Variants in RNASEH2A observed in about 807,000 individuals in gnomAD.
The protein encoded by RNASEH2A is ribonuclease H2 subunit A.
Under a neutral mutation model 32.7 loss-of-function variants are expected in RNASEH2A, and 30 were observed. That is an observed-to-expected ratio of 0.92 (90% CI 0.69 to 1.25). RNASEH2A has a LOEUF of 1.25. Among genes scored for constraint, RNASEH2A ranks in the 50% most tolerant of loss-of-function variants. RNASEH2A has a pLI of 0.00. For missense variants in RNASEH2A, 409 were observed against 398.1 expected (o/e 1.03, Z -0.23); for synonymous variants, 147 against 165.4 (o/e 0.89, Z 0.86).
intron 6 of RNASEH2A, among the ~76,000 whole-genome samples, chr19:12,810,991 G>A (rs1164677436): frequency 6.6e-6 from 1 of 151,884 alleles, no homozygotes; most frequent in Non-Finnish European, 1.5e-5. Flanking sequence ...TAAAGAGATG[G>A]GGTCTCCCTA....
At chr19:12,809,168 T>C (rs936033967) in intron 4 of RNASEH2A, among the ~76,000 whole-genome samples, 1 of 152,050 alleles carries the variant, frequency 6.6e-6, no homozygotes, top group Non-Finnish European at 1.5e-5. Flanking sequence ...AGGTCAGGAG[T>C]TCGAGACCAG....
chr19:12,810,385 T>A lies in RNASEH2A; in HGVS notation c.618T>A (p.Tyr206Ter). 6.2e-7 allele frequency: 1 copy of A among 1,614,154 alleles called. No homozygotes were observed. The highest frequency in any genetic ancestry group is 8.5e-7 in the Non-Finnish European group (1 of 1,180,014). The stretch of plus-strand genomic sequence containing the variant: ...AACTGCAGGACTTGGATACTGATTA[T>A]GGCTCAGGCTACCCCAATGGTGAGC... ...VEKLQDLDTD[Y>*]GSGYPNDPKT... Residue 206 changes from tyrosine to a stop codon, truncating the protein, a stop_gained, in exon 6 of 8, where the codon TAT (tyrosine) becomes TAA (stop). Coordinates refer to ENST00000221486, the MANE Select transcript of RNASEH2A (RefSeq NM_006397.3). LOFTEE classifies it high-confidence loss of function.
intron 7 of RNASEH2A, 60 bp from the exon 8 acceptor site, chr19:12,813,268 C>A: frequency 3.1e-6 from 5 of 1,613,964 alleles, no homozygotes. Flanking sequence ...CAGCGTTCAG[C>A]CCTGCCTGAG....
intron 6 of RNASEH2A, 126 bp from the exon 7 acceptor site, chr19:12,812,957 A>G (rs1390188551): frequency 9.1e-6 from 12 of 1,317,730 alleles, no homozygotes; most frequent in Non-Finnish European, 1.3e-5. Flanking sequence ...GTGAGCTGAG[A>G]TCGCGCCACT....
rs746966082 is a variant in RNASEH2A, at chr19:12,806,628, T to A, written c.-46T>A. On this transcript the variant is annotated 5_prime_UTR_variant, in exon 1 of 8. Coordinates refer to ENST00000221486, the MANE Select transcript of RNASEH2A (RefSeq NM_006397.3). Reference sequence around the variant, plus strand: ...GCGGAAAACGCGCGCCGAGACCCGCTCCTGCAGTATTAGTTCTTGCAGCTG... The same window carrying A: ...GCGGAAAACGCGCGCCGAGACCCGCACCTGCAGTATTAGTTCTTGCAGCTG... 16 of 1,559,284 alleles carry A rather than the reference T, an allele frequency of 1.0e-5. No individual in the cohort carries two copies. Among genetic ancestry groups the A allele is most frequent in the Non-Finnish European group, 1.4e-5 (16 of 1,151,432 alleles).
At chr19:12,809,993 A>G (rs1251387329) in intron 4 of RNASEH2A, 78 bp from the exon 5 acceptor site, 5 of 1,582,236 alleles carry the variant, frequency 3.2e-6, no homozygotes, top group Non-Finnish European at 4.3e-6. Context: ...GGGTAGCAGG[A>G]AGAACGTGCC....
Position 12,806,797 on chromosome 19 carries a change from C to A in RNASEH2A, c.124C>A (p.Leu42Met), listed in dbSNP as rs1254992736. The A allele has an allele frequency of 5.7e-6, 9 of 1,579,536 alleles. No homozygotes were observed. The highest frequency in any genetic ancestry group is 7.7e-6 in the Non-Finnish European group (9 of 1,162,972). Residue 42 changes from leucine (L) to methionine (M), a missense_variant, in exon 1 of 8, where the codon CTG (leucine) becomes ATG (methionine). By Grantham distance (15) the Leu-to-Met change is conservative. Transcript: ENST00000221486. ...CGATGAGGCGGGCAGGGGCCCCGTGCTGGGTGCGCCCCTAGGGCCAGGGAG... is the reference window on the plus strand; with the variant it reads ...CGATGAGGCGGGCAGGGGCCCCGTGATGGGTGCGCCCCTAGGGCCAGGGAG... ...GVDEAGRGPV[L>M]GPMVYAICYC...
Position 12,807,087 on chromosome 19 carries a change from C to T in RNASEH2A, c.199+8C>T, listed in dbSNP as rs200834484. 8 of 1,614,098 alleles carry T rather than the reference C, an allele frequency of 5.0e-6. No individual in the cohort carries two copies. Among genetic ancestry groups the T allele is most frequent in the Non-Finnish European group, 6.8e-6 (8 of 1,180,004 alleles). ...AGGCGCTGAAAGTGGCAGGTGAGCC[C>T]GAGGTGTGCGTCTGGGGAAGGGATT... On this transcript the variant is annotated splice_region_variant and intron_variant, in intron 2 of 7. Coordinates refer to ENST00000221486, the MANE Select transcript of RNASEH2A (RefSeq NM_006397.3).
At chr19:12,808,480 C>T (rs535599816) in intron 4 of RNASEH2A, among the ~76,000 whole-genome samples, 9 of 152,094 alleles carry the variant, frequency 5.9e-5, no homozygotes, top group Admixed American at 4.6e-4. Context: ...CCTACATTGT[C>T]TACCTGTCAC....
chr19:12,809,578 G>A (rs539953051), intron 4 of RNASEH2A, among the ~76,000 whole-genome samples: 7 of 152,312 alleles, frequency 4.6e-5, no homozygotes, highest in South Asian at 2.1e-4. Context: ...GCCCTCAAGC[G>A]ATCCTCCCAC....
At chr19:12,809,770 T>C (rs888680504) in intron 4 of RNASEH2A, among the ~76,000 whole-genome samples, 1 of 152,122 alleles carries the variant, frequency 6.6e-6, no homozygotes, top group African/African-American at 2.4e-5. Flanking sequence ...TTTTCTTTAT[T>C]TTATTGTATT....
Position 12,813,217 on chromosome 19 carries a change from T to C in RNASEH2A, c.761+11T>C, listed in dbSNP as rs2145830328. The C allele has an allele frequency of 5.6e-6, 9 of 1,613,952 alleles. No individual in the cohort carries two copies. The highest frequency in any genetic ancestry group is 4.4e-5 in the South Asian group (4 of 91,060). ...GGAAGATGTTATATGGTGGGTGTCATGGATGTCCTGGGGGTGCTATAGGGA... is the reference window on the plus strand; with the variant it reads ...GGAAGATGTTATATGGTGGGTGTCACGGATGTCCTGGGGGTGCTATAGGGA... On this transcript the variant is annotated intron_variant, in intron 7 of 7. Coordinates refer to ENST00000221486, the MANE Select transcript of RNASEH2A (RefSeq NM_006397.3).
At position 12,806,794 on chromosome 19, in the gene RNASEH2A, G is replaced by C; in HGVS notation, c.121G>C (p.Val41Leu). ...CGTCGATGAGGCGGGCAGGGGCCCC[G>C]TGCTGGGTGCGCCCCTAGGGCCAGG... is the stretch of plus-strand genomic sequence containing the variant. Reference protein sequence around the residue: ...LGVDEAGRGPVLGPMVYAICY... With the variant: ...LGVDEAGRGPLLGPMVYAICY... The change falls in exon 1 of 8, where the codon GTG becomes CTG. Residue 41 changes from valine to leucine, a missense_variant. Physicochemically the swap from Val to Leu is conservative, Grantham distance 32. Coordinates refer to ENST00000221486, the MANE Select transcript of RNASEH2A (RefSeq NM_006397.3). The C allele has an allele frequency of 6.3e-7, 1 of 1,578,782 alleles. No individual in the cohort carries two copies. The highest frequency in any genetic ancestry group is 8.6e-7 in the Non-Finnish European group (1 of 1,162,514).
At chr19:12,812,978 C>T in intron 6 of RNASEH2A, 105 bp from the exon 7 acceptor site, 1 of 1,524,150 alleles carries the variant, frequency 6.6e-7, no homozygotes, top group South Asian at 1.2e-5. Flanking sequence ...GCACTCCAGC[C>T]TGGCTACAGA....
chr19:12,806,615 C>T lies in RNASEH2A; in HGVS notation c.-59C>T, dbSNP rs1268252713. On this transcript the variant is annotated 5_prime_UTR_variant, in exon 1 of 8. Coordinates refer to ENST00000221486, the MANE Select transcript of RNASEH2A (RefSeq NM_006397.3). ...CGCTTCGAGGCCCGCGGAAAACGCG[C>T]GCCGAGACCCGCTCCTGCAGTATTA... The T allele has an allele frequency of 1.3e-6, 2 of 1,550,380 alleles. No homozygotes were observed. The highest frequency in any genetic ancestry group is 1.7e-6 in the Non-Finnish European group (2 of 1,146,140).
At chr19:12,806,934 G>A in intron 1 of RNASEH2A, 74 bp from the exon 2 acceptor site, 1 of 1,605,216 alleles carries the variant, frequency 6.2e-7, no homozygotes, top group South Asian at 1.1e-5. Context: ...TGATAGAACA[G>A]GGATGAATGG....
chr19:12,808,980 C>T (rs535826985), intron 4 of RNASEH2A, among the ~76,000 whole-genome samples: 6 of 152,170 alleles, frequency 3.9e-5, no homozygotes, highest in African/African-American at 1.4e-4. Flanking sequence ...GAGGAGGGAC[C>T]TGAGGACCAG....
chr19:12,809,375 G>T (rs1049850555), intron 4 of RNASEH2A, among the ~76,000 whole-genome samples: 8 of 152,318 alleles, frequency 5.3e-5, no homozygotes, highest in Admixed American at 4.6e-4. Flanking sequence ...CATGGGCCCA[G>T]CATCATGAAC....
intron 6 of RNASEH2A, 123 bp from the exon 7 acceptor site, chr19:12,812,960 G>A (rs150651568): frequency 0.041 from 54,484 of 1,343,152 alleles, 1,272 homozygotes; most frequent in South Asian, 0.055. Context: ...AGCTGAGATC[G>A]CGCCACTGCA....
Sources: gnomAD v4.1 joint callset for allele counts (sites outside exome capture counted in the v4.1 genomes callset) on GRCh38, gnomAD v4.1.1 for gene constraint, MANE v1.5 for transcripts, NCBI Gene and HGNC (gene_info 2026-07-23, HGNC 2026-07-21) for gene names.